SNX13: variants seen among roughly 807,000 people sequenced by gnomAD.
The protein encoded by SNX13 is sorting nexin-13.
SNX13 carries 45 observed loss-of-function variants against 133.6 expected under a neutral mutation model. The observed-to-expected ratio is 0.34, with a 90% CI of 0.27 to 0.43. The LOEUF is 0.43. SNX13 is among the 20% of genes least tolerant of loss of function. The pLI is 1.00. For missense variants in SNX13, 1,032 were observed against 1,145.1 expected, an observed-to-expected ratio of 0.90 and a Z score of 1.43; for synonymous variants, 414 against 373.9, an observed-to-expected ratio of 1.11 and a Z score of -1.24.
In SNX13 at chr7:17,850,329, C is replaced by G; in HGVS notation, c.1065+18G>C. The G allele has an allele frequency of 6.5e-7, 1 of 1,541,972 alleles. No individual in the cohort carries two copies. Among genetic ancestry groups the G allele is most frequent in the Non-Finnish European group, 8.8e-7 (1 of 1,134,792 alleles). On this transcript the variant is annotated intron_variant, in intron 11 of 25. Transcript: ENST00000428135. The stretch of plus-strand genomic sequence containing the variant: ...TAGTATTTATAACTAAACGTTAATT[C>G]AAAACTACTTTACTTACTTTGCCTG...
At chr7:17,868,383 G>C (rs763352182) in intron 9 of SNX13, 24 bp downstream of exon 9, 1 of 1,518,478 alleles carries the variant, frequency 6.6e-7, no homozygotes, top group Admixed American at 1.8e-5. Flanking sequence ...CTAAAACAGA[G>C]TTGTAATTTT....
In SNX13 at chr7:17,902,438, G is replaced by A. The variant is rs142498486; in HGVS notation, c.13-4992C>T. Among the ~76,000 whole-genome samples the A allele has an allele frequency of 1.2e-3, 185 of 152,022 alleles. 1 individual carries two copies. Among genetic ancestry groups the A allele is most frequent in the African/African-American group, 4.2e-3 (173 of 41,474 alleles). On this transcript the variant is annotated intron_variant, in intron 1 of 25. Coordinates refer to ENST00000428135, the MANE Select transcript of SNX13 (RefSeq NM_015132.5). Reference sequence around the variant, plus strand: ...CTGTTCATTGAAACATCAGAATAGCGAATTGTCCAAAAATCAAGTTATGTT... The same window carrying A: ...CTGTTCATTGAAACATCAGAATAGCAAATTGTCCAAAAATCAAGTTATGTT...
intron 9 of SNX13, among the ~76,000 whole-genome samples, chr7:17,854,470 T>C (rs1791643373): frequency 6.6e-6 from 1 of 152,236 alleles, no homozygotes; most frequent in South Asian, 2.1e-4. Flanking sequence ...ACTGTGTTTT[T>C]TTTAACAAAC....
chr7:17,872,505 T>C (rs1004724362), intron 8 of SNX13, among the ~76,000 whole-genome samples: 4 of 152,170 alleles, frequency 2.6e-5, no homozygotes, highest in Admixed American at 2.6e-4. Flanking sequence ...TCCAGGTACT[T>C]GCCACCCGTC....
At chr7:17,921,461 C>T (rs1800121925) in intron 1 of SNX13, among the ~76,000 whole-genome samples, 1 of 152,138 alleles carries the variant, frequency 6.6e-6, no homozygotes, top group South Asian at 2.1e-4. Flanking sequence ...CTTCCATATC[C>T]CCGACAACTT....
chr7:17,905,636 A>T (rs2691559), intron 1 of SNX13, among the ~76,000 whole-genome samples: 92,719 of 152,076 alleles, frequency 0.61, 29,722 homozygotes, highest in African/African-American at 0.81. Context: ...GTTTTGGTAA[A>T]TTCCAAAAAC....
At chr7:17,831,644 TA>T in intron 15 of SNX13, 1 of 984,250 alleles carries the variant, frequency 1.0e-6, no homozygotes, top group South Asian at 4.7e-5. Context: ...TAGACTACTT[TA>T]AAAAAATCAG....
intron 12 of SNX13, among the ~76,000 whole-genome samples, chr7:17,845,268 G>A: frequency 6.6e-6 from 1 of 152,272 alleles, no homozygotes; most frequent in Middle Eastern, 3.4e-3. Flanking sequence ...AAGTGAGTAA[G>A]CCAGTCACAA....
At chr7:17,855,156 C>CG (rs138918386) in intron 9 of SNX13, among the ~76,000 whole-genome samples, 1 of 152,200 alleles carries the variant, frequency 6.6e-6, no homozygotes, top group Non-Finnish European at 1.5e-5. Flanking sequence ...GAGCAAGGCC[C>CG]GGACTAGCTT....
chr7:17,857,743 C>T (rs1792101698), intron 9 of SNX13, among the ~76,000 whole-genome samples: 2 of 151,818 alleles, frequency 1.3e-5, no homozygotes, highest in Admixed American at 1.3e-4. Context: ...TGAGACAGCG[C>T]CACTGAACTA....
intron 1 of SNX13, among the ~76,000 whole-genome samples, chr7:17,935,670 T>G (rs1297022105): frequency 6.6e-6 from 1 of 152,184 alleles, no homozygotes; most frequent in Non-Finnish European, 1.5e-5. Flanking sequence ...ATATTCCTCT[T>G]GGTTTGTCAA....
At chr7:17,832,549 G>A (rs1788619644) in intron 15 of SNX13, 1 of 908,942 alleles carries the variant, frequency 1.1e-6, no homozygotes, top group Admixed American at 6.2e-5. Context: ...TTTTATAATA[G>A]TCATTTTAGG....
intron 9 of SNX13, among the ~76,000 whole-genome samples, chr7:17,856,919 GAGACTA>G (rs1265770683): frequency 6.6e-6 from 1 of 151,388 alleles, no homozygotes; most frequent in African/African-American, 2.4e-5. Flanking sequence ...AAATGAAATT[GAGACTA>G]AGAAAACAAT....
intron 20 of SNX13, among the ~76,000 whole-genome samples, chr7:17,804,400 T>C (rs1258045040): frequency 6.6e-6 from 1 of 152,074 alleles, no homozygotes; most frequent in Non-Finnish European, 1.5e-5. Context: ...GAATACATTA[T>C]ATGTGCAATT....
chr7:17,856,785 T>TAA (rs200753998), intron 9 of SNX13, among the ~76,000 whole-genome samples: 6 of 97,570 alleles, frequency 6.1e-5, no homozygotes, highest in African/African-American at 2.4e-4. Flanking sequence ...GAGACTCTCT[T>TAA]AAAAAAAAAA....
intron 20 of SNX13, among the ~76,000 whole-genome samples, chr7:17,809,964 T>C (rs1408938642): frequency 6.6e-6 from 1 of 151,992 alleles, no homozygotes; most frequent in Admixed American, 6.6e-5. Context: ...GGGACACAGC[T>C]AAACAGCGTT....
intron 13 of SNX13, among the ~76,000 whole-genome samples, chr7:17,836,915 G>A (rs780460714): frequency 3.3e-5 from 5 of 151,676 alleles, no homozygotes; most frequent in African/African-American, 7.3e-5. Context: ...CTTTTCTATC[G>A]AGTCCATGAT....
At chr7:17,886,941 A>C (rs1194244011) in intron 5 of SNX13, among the ~76,000 whole-genome samples, 1 of 151,550 alleles carries the variant, frequency 6.6e-6, no homozygotes, top group Non-Finnish European at 1.5e-5. Context: ...CATGTGCCTT[A>C]ATTTTGCCCT....
In SNX13 at chr7:17,794,042, G is replaced by C; in HGVS notation, c.*3C>G. ...ATGAACACCAGCTTCATAGAGTGGA[G>C]TGTCACCTTTTCTGCAAAGAAGGCG... is the stretch of plus-strand genomic sequence containing the variant. On this transcript the variant is annotated 3_prime_UTR_variant, in exon 26 of 26. Transcript: ENST00000428135. 5 of 1,610,616 alleles carry C rather than the reference G, an allele frequency of 3.1e-6. No homozygotes were observed. Among genetic ancestry groups the C allele is most frequent in the Non-Finnish European group, 4.2e-6 (5 of 1,177,754 alleles).
Sources: gnomAD v4.1 joint callset for allele counts (sites outside exome capture counted in the v4.1 genomes callset) on GRCh38, gnomAD v4.1.1 for gene constraint, MANE v1.5 for transcripts, NCBI Gene and HGNC (gene_info 2026-07-23, HGNC 2026-07-21) for gene names.